Variants in NOTCH2NLB observed in about 807,000 individuals in gnomAD.
The protein encoded by NOTCH2NLB is notch homolog 2 N-terminal-like protein B.
Under a neutral mutation model 14.8 loss-of-function variants are expected in NOTCH2NLB, and 1 was observed. The ratio of observed to expected loss-of-function variants is 0.07; its 90% CI spans 0.02 to 0.32. The LOEUF (loss-of-function observed/expected upper bound fraction) is 0.32. Among genes scored for constraint, NOTCH2NLB ranks in the 10% least tolerant of loss-of-function variants. The pLI is 1.00. For synonymous variants in NOTCH2NLB, 6 were observed against 57.5 expected (o/e 0.10, Z 4.05); for missense variants, 11 against 155.0 (o/e 0.07, Z 4.93).
At chr1:148,680,640 AAGACTAT>A (rs1664919178), upstream of NOTCH2NLB, among the ~76,000 whole-genome samples, 2 of 134,850 alleles carry the variant, frequency 1.5e-5, no homozygotes, top group Admixed American at 1.5e-4. Flanking sequence ...AGTAATTGAA[AAGACTAT>A]AGCTATTTAT....
chr1:148,712,305 GAAGA>G, the NOTCH2NLB span, among the ~76,000 whole-genome samples: 203 of 140,268 alleles, frequency 1.4e-3, no homozygotes, highest in African/African-American at 5.1e-3. Flanking sequence ...CACCTGAGCA[GAAGA>G]GAGAGTCCAG....
intron 2 of NOTCH2NLB, among the ~76,000 whole-genome samples, chr1:148,637,759 C>T (rs1445263908): frequency 1.6e-5 from 2 of 126,676 alleles, no homozygotes; most frequent in East Asian, 2.3e-4. Flanking sequence ...CACCCCCTGA[C>T]AGGCCCCAGT....
At chr1:148,651,144 GAAAA>G (rs1159790526) in intron 1 of NOTCH2NLB, among the ~76,000 whole-genome samples, 307 of 76,326 alleles carry the variant, frequency 4.0e-3, no homozygotes, top group African/African-American at 6.7e-3. Flanking sequence ...CTCTGCCTGA[GAAAA>G]AAAAAAAAAA....
chr1:148,670,549 T>C (rs1295905979), intron 1 of NOTCH2NLB, among the ~76,000 whole-genome samples: 28 of 100,704 alleles, frequency 2.8e-4, no homozygotes, highest in African/African-American at 9.8e-4. Flanking sequence ...AATATATATA[T>C]ATACATATAT....
At chr1:148,685,794 A>C in the NOTCH2NLB span, among the ~76,000 whole-genome samples, 2 of 110,256 alleles carry the variant, frequency 1.8e-5, no homozygotes, top group South Asian at 3.2e-4. Flanking sequence ...CCACTCCACC[A>C]CTCCAGTCTG....
chr1:148,650,362 A>AAC (rs1664469934), intron 1 of NOTCH2NLB, among the ~76,000 whole-genome samples: 1 of 70,622 alleles, frequency 1.4e-5, no homozygotes, highest in African/African-American at 5.7e-5. Flanking sequence ...CTAAGGTCCT[A>AAC]ACATTTGGAT....
chr1:148,621,393 C>A, intron 2 of NOTCH2NLB, among the ~76,000 whole-genome samples: 1 of 69,058 alleles, frequency 1.4e-5, no homozygotes, highest in African/African-American at 1.7e-4. Context: ...TTATATAATT[C>A]CATTTATATG....
At chr1:148,645,767 C>T (rs1309624942) in intron 1 of NOTCH2NLB, among the ~76,000 whole-genome samples, 6 of 150,836 alleles carry the variant, frequency 4.0e-5, no homozygotes, top group Non-Finnish European at 8.9e-5. Flanking sequence ...GGCCACCCCC[C>T]CACCCATCCT....
the NOTCH2NLB span, among the ~76,000 whole-genome samples, chr1:148,686,829 C>T: frequency 1.6e-5 from 1 of 62,712 alleles, no homozygotes; most frequent in African/African-American, 4.5e-5. Context: ...TTTCAGACTT[C>T]TGGCCTCCAA....
At chr1:148,625,376 C>T (rs1382450475) in intron 2 of NOTCH2NLB, among the ~76,000 whole-genome samples, 1 of 93,228 alleles carries the variant, frequency 1.1e-5, no homozygotes, top group Non-Finnish European at 2.0e-5. Context: ...AGGATTTGGC[C>T]ATTCAAGAAA....
chr1:148,639,017 GA>G (rs1421792445), intron 2 of NOTCH2NLB, among the ~76,000 whole-genome samples: 2 of 128,890 alleles, frequency 1.6e-5, no homozygotes, highest in South Asian at 2.5e-4. Flanking sequence ...TGAGGCAGAA[GA>G]AAAAAAATTA....
chr1:148,634,332 A>T (rs1296283821), intron 2 of NOTCH2NLB, among the ~76,000 whole-genome samples: 1 of 150,104 alleles, frequency 6.7e-6, no homozygotes, highest in Non-Finnish European at 1.5e-5. Context: ...AGAGAAAGTA[A>T]TTTAACAGTT....
chr1:148,634,224 C>T (rs1271508592), intron 2 of NOTCH2NLB, among the ~76,000 whole-genome samples: 1 of 144,630 alleles, frequency 6.9e-6, no homozygotes, highest in African/African-American at 2.5e-5. Flanking sequence ...CAAGCTTCTG[C>T]TATCATTTTC....
chr1:148,685,861 T>A, the NOTCH2NLB span, among the ~76,000 whole-genome samples: 3 of 130,912 alleles, frequency 2.3e-5, no homozygotes, highest in Admixed American at 7.5e-5. Flanking sequence ...GCATTAAAAA[T>A]CTCCTTCTAA....
At chr1:148,645,651 T>C (rs1664350852) in intron 1 of NOTCH2NLB, among the ~76,000 whole-genome samples, 1 of 147,686 alleles carries the variant, frequency 6.8e-6, no homozygotes, top group East Asian at 1.9e-4. Context: ...TTTCCACTGA[T>C]TTCTGCCTTC....
chr1:148,608,832 C>T (rs1359964392), intron 3 of NOTCH2NLB, among the ~76,000 whole-genome samples: 1 of 144,150 alleles, frequency 6.9e-6, no homozygotes, highest in Admixed American at 6.9e-5. Context: ...AAATAGAAGC[C>T]ATCAGGAGGA....
chr1:148,707,772 A>AC, the NOTCH2NLB span, among the ~76,000 whole-genome samples: 8 of 148,250 alleles, frequency 5.4e-5, no homozygotes, highest in East Asian at 1.6e-3. Flanking sequence ...CCAGAGCAAG[A>AC]CCCCCTCTCA....
At chr1:148,670,575 T>A (rs1429203118) in intron 1 of NOTCH2NLB, among the ~76,000 whole-genome samples, 17 of 135,994 alleles carry the variant, frequency 1.3e-4, no homozygotes, top group African/African-American at 2.9e-4. Context: ...TATATATATA[T>A]ATAAATAAAT....
chr1:148,605,057 T>A (rs1441270933), downstream of NOTCH2NLB, among the ~76,000 whole-genome samples: 1 of 140,452 alleles, frequency 7.1e-6, no homozygotes, highest in Non-Finnish European at 1.6e-5. Flanking sequence ...AACATGAACA[T>A]ATATTTTTAA....
Sources: allele counts gnomAD v4.1 joint callset (sites outside exome capture counted in the v4.1 genomes callset), GRCh38; gene constraint gnomAD v4.1.1; transcripts MANE v1.5; gene names NCBI Gene and HGNC (gene_info 2026-07-23, HGNC 2026-07-21).